Variants in LRP1 observed in about 807,000 individuals in gnomAD.
LRP1 encodes LDL receptor related protein 1.
LRP1 carries 51 observed loss-of-function variants against 541.5 expected under a neutral mutation model. That is an observed-to-expected ratio of 0.09 (90% CI 0.08 to 0.12). The LOEUF is 0.12. LRP1 is among the 10% of genes least tolerant of loss of function. The probability of loss-of-function intolerance (pLI) is 1.00; values close to 1 mark genes in which losing one functional copy is unlikely to be tolerated. For synonymous variants in LRP1, 2,219 were observed against 2,470.8 expected (o/e 0.90, Z 3.02); for missense variants, 3,878 against 6,376.2 (o/e 0.61, Z 13.34).
chr12:57,143,528 T>A, intron 3 of LRP1, 151 bp from the exon 4 acceptor site: 1 of 892,650 alleles, frequency 1.1e-6, no homozygotes, highest in South Asian at 1.9e-5. Context: ...TTGTGAAATA[T>A]GGTAGATGCT....
chr12:57,195,169 C>T, intron 51 of LRP1, 68 bp downstream of exon 51: 1 of 1,592,814 alleles, frequency 6.3e-7, no homozygotes. Flanking sequence ...AACTCCACCC[C>T]ACACACAGAC....
At chr12:57,174,086 C>A in intron 22 of LRP1, 106 bp downstream of exon 22, 1 of 1,197,926 alleles carries the variant, frequency 8.3e-7, no homozygotes, top group Non-Finnish European at 1.2e-6. Context: ...GCTCTGGCAG[C>A]CGGGCAGGCG....
intron 1 of LRP1, chr12:57,131,911 C>T (rs1040927852): frequency 6.6e-6 from 1 of 152,528 alleles, no homozygotes; most frequent in African/African-American, 2.4e-5. Context: ...GTCTATCTCT[C>T]TTTCCTCCTG....
At chr12:57,148,440 C>T (rs1387877868) in intron 6 of LRP1, among the ~76,000 whole-genome samples, 1 of 152,090 alleles carries the variant, frequency 6.6e-6, no homozygotes, top group Non-Finnish European at 1.5e-5. Context: ...CAGGCCTGCG[C>T]ACTCTCACCC....
In LRP1 at chr12:57,192,521, T is replaced by C. The variant is rs138518490; in HGVS notation, c.7430-324T>C. 3.2e-4 allele frequency among the ~76,000 whole-genome samples: 48 copies of C among 152,154 alleles called. No homozygotes were observed. The East Asian group carries it at 7.2e-3, about 23-fold the overall frequency. Reference sequence around the variant, plus strand: ...CAGACCTGCAGCTTTCCCAGGTGTCTCCCATGCGCCCTGGGGCTCACTACT... The same window carrying C: ...CAGACCTGCAGCTTTCCCAGGTGTCCCCCATGCGCCCTGGGGCTCACTACT... On this transcript the variant is annotated intron_variant, in intron 44 of 88. Coordinates refer to ENST00000243077, the MANE Select transcript of LRP1 (RefSeq NM_002332.3).
intron 1 of LRP1, among the ~76,000 whole-genome samples, chr12:57,134,484 C>T (rs1420477785): frequency 6.6e-6 from 1 of 152,184 alleles, no homozygotes; most frequent in Non-Finnish European, 1.5e-5. Context: ...CACAGTCTCA[C>T]TCCATCACCC....
rs911834002 is a variant in LRP1, at chr12:57,156,586, C to T, written c.1418-191C>T. 1.3e-5 allele frequency among the ~76,000 whole-genome samples: 2 copies of T among 152,246 alleles called. No homozygotes were observed. The highest frequency in any genetic ancestry group is 2.4e-5 in the African/African-American group (1 of 41,468). The stretch of plus-strand genomic sequence containing the variant: ...CTCTCTTCCCTGACTACTGAAGCCC[C>T]CACTCCAAGAGTTTGAAGGCTGGGT... On this transcript the variant is annotated intron_variant, in intron 9 of 88. Coordinates refer to ENST00000243077, the MANE Select transcript of LRP1 (RefSeq NM_002332.3). This position sits in a 1 kb window ranked among gnomAD's most constrained non-coding sequence, Gnocchi z 5.2.
intron 1 of LRP1, among the ~76,000 whole-genome samples, chr12:57,132,928 A>T (rs142862062): frequency 6.6e-6 from 1 of 152,078 alleles, no homozygotes; most frequent in East Asian, 1.9e-4. Flanking sequence ...CCAGTTCAGC[A>T]CCAAAAGTTT....
chr12:57,156,962 C>G lies in LRP1; in HGVS notation c.1561+42C>G. 6.6e-7 allele frequency: 1 copy of G among 1,517,758 alleles called. No individual in the cohort carries two copies. Among genetic ancestry groups the G allele is most frequent in the Non-Finnish European group, 8.9e-7 (1 of 1,126,736 alleles). The allele number at this position is 1,517,758 out of a possible 1,614,324, so 94.0% of individuals were successfully genotyped here. A position where few individuals can be genotyped will look rare whatever the true frequency, so the allele number is the denominator to read the frequency against. On this transcript the variant is annotated intron_variant, in intron 10 of 88. Coordinates refer to ENST00000243077, the MANE Select transcript of LRP1 (RefSeq NM_002332.3). This position sits in a 1 kb window ranked among gnomAD's most constrained non-coding sequence, Gnocchi z 5.2. Reference sequence around the variant, plus strand: ...GGGGTGTGTGCCCATTGGGAGGCTGCGGGAGGGTTCCTCAGGTGTCCCCCA... The same window carrying G: ...GGGGTGTGTGCCCATTGGGAGGCTGGGGGAGGGTTCCTCAGGTGTCCCCCA...
intron 2 of LRP1, among the ~76,000 whole-genome samples, chr12:57,138,908 G>A (rs895236035): frequency 2.0e-5 from 3 of 152,106 alleles, no homozygotes; most frequent in Non-Finnish European, 4.4e-5. Flanking sequence ...CAGCCTCCCT[G>A]ACCCTTGATG....
intron 10 of LRP1, among the ~76,000 whole-genome samples, chr12:57,157,711 A>C (rs2035648542): frequency 1.3e-5 from 2 of 152,368 alleles, no homozygotes; most frequent in Non-Finnish European, 2.9e-5. Context: ...GCTCTCTGTG[A>C]AATGAAGAGG....
At chr12:57,140,858 G>A (rs4759045) in intron 2 of LRP1, among the ~76,000 whole-genome samples, 45,985 of 151,824 alleles carry the variant, frequency 0.3, 7,447 homozygotes, top group Admixed American at 0.41. Flanking sequence ...TCAGCCTCCC[G>A]AGTAGCTGGG....
intron 20 of LRP1, among the ~76,000 whole-genome samples, chr12:57,172,572 T>C (rs2035968403): frequency 6.6e-6 from 1 of 152,156 alleles, no homozygotes; most frequent in Non-Finnish European, 1.5e-5. Context: ...TCCTCTGGGC[T>C]CACTCGCTCT....
chr12:57,172,701 T>C lies in LRP1; in HGVS notation c.3164-467T>C, dbSNP rs140546797. Among the ~76,000 whole-genome samples the C allele has an allele frequency of 1.1e-3, 174 of 152,306 alleles. 1 individual carries two copies. Among genetic ancestry groups the C allele is most frequent in the African/African-American group, 4.1e-3 (170 of 41,562 alleles). On this transcript the variant is annotated intron_variant, in intron 20 of 88. Transcript: ENST00000243077. ...AGCTTTATCTCCATAGCTTTATCAA[T>C]ACCTGAAATTACAGTCTAGATTTAT...
Position 57,189,105 on chromosome 12 carries a change from T to C in LRP1, c.7031+1649T>C, listed in dbSNP as rs1018935359. ...CCTGTAGAGCTCACAGTAGGATAGT[T>C]AGAAGGTCCGCCATGTTCCTGGACA... On this transcript the variant is annotated intron_variant, in intron 42 of 88. Transcript: ENST00000243077. The surrounding 1 kb of genome is among the most constrained non-coding windows in gnomAD (Gnocchi z 4.4). Among the ~76,000 whole-genome samples, 1 of 152,100 alleles carries C rather than the reference T, an allele frequency of 6.6e-6. No individual in the cohort carries two copies. Among genetic ancestry groups the C allele is most frequent in the Non-Finnish European group, 1.5e-5 (1 of 68,008 alleles).
intron 6 of LRP1, among the ~76,000 whole-genome samples, chr12:57,153,641 G>C (rs2035566792): frequency 6.6e-6 from 1 of 152,166 alleles, no homozygotes; most frequent in African/African-American, 2.4e-5. Context: ...CATGTCACTG[G>C]TGCCCAACCT....
At position 57,154,195 on chromosome 12, in the gene LRP1, T is replaced by G. The variant is rs913368344; in HGVS notation, c.842-13T>G. ...CTACCCCACCCCATGGCTCTTTCAT[T>G]CGTACTCTCCAGACGTGGAACAGAT... On this transcript the variant is annotated splice_polypyrimidine_tract_variant and intron_variant, in intron 6 of 88. Transcript: ENST00000243077. This position sits in a 1 kb window ranked among gnomAD's most constrained non-coding sequence, Gnocchi z 4.6. 6.2e-7 allele frequency: 1 copy of G among 1,607,036 alleles called. No homozygotes were observed. Among genetic ancestry groups the G allele is most frequent in the African/African-American group, 1.3e-5 (1 of 74,828 alleles).
chr12:57,190,266 C>T (rs2036351873), intron 42 of LRP1, among the ~76,000 whole-genome samples: 1 of 152,236 alleles, frequency 6.6e-6, no homozygotes, highest in South Asian at 2.1e-4. Context: ...ATCTGGAAGA[C>T]AGCCAGCCTC....
chr12:57,167,658 TG>T, intron 19 of LRP1, 134 bp downstream of exon 19: 1 of 702,326 alleles, frequency 1.4e-6, no homozygotes, highest in African/African-American at 1.8e-5. Context: ...CTGGGTTGCC[TG>T]GGAGAAAACA....
Sources: allele counts gnomAD v4.1 joint callset (sites outside exome capture counted in the v4.1 genomes callset), GRCh38; gene constraint gnomAD v4.1.1; non-coding constraint Gnocchi (gnomAD v3.1); transcripts MANE v1.5; gene names NCBI Gene and HGNC (gene_info 2026-07-23, HGNC 2026-07-21).